Variants in LOXHD1 observed in about 807,000 individuals in gnomAD.
LOXHD1 encodes the protein lipoxygenase homology PLAT domains 1, also known as lipoxygenase homology domain-containing protein 1.
A neutral mutation model predicts 248.2 loss-of-function variants in LOXHD1; 205 were observed. The observed-to-expected ratio is 0.83, with a 90% confidence interval of 0.74 to 0.93. The LOEUF (loss-of-function observed/expected upper bound fraction) is 0.93, where lower values mean the gene tolerates loss of function less well. LOXHD1 is among the 40% of genes least tolerant of loss of function. The pLI is 0.00. For missense variants in LOXHD1, 2,930 were observed against 2,971.6 expected, an observed-to-expected ratio of 0.99 and a Z score of 0.33; for synonymous variants, 1,113 against 1,162.8, an observed-to-expected ratio of 0.96 and a Z score of 0.87.
At chr18:46,521,475 C>A (rs1166400824) in intron 32 of LOXHD1, among the ~76,000 whole-genome samples, 193 bp from the exon 33 acceptor site, 1 of 152,114 alleles carries the variant, frequency 6.6e-6, no homozygotes, top group African/African-American at 2.4e-5. Flanking sequence ...GTAGTTTGGA[C>A]CTAATCAGGC....
intron 37 of LOXHD1, among the ~76,000 whole-genome samples, 175 bp downstream of exon 37, chr18:46,505,663 A>G (rs937462092): frequency 6.6e-6 from 1 of 152,218 alleles, no homozygotes; most frequent in Non-Finnish European, 1.5e-5. Flanking sequence ...ATATTTGCCC[A>G]GAAACACTGG....
chr18:46,540,654 C>CTTTTTTTTTTTT (rs60099172), intron 25 of LOXHD1, among the ~76,000 whole-genome samples: 86 of 91,388 alleles, frequency 9.4e-4, no homozygotes, highest in Admixed American at 1.2e-3. Context: ...AACTCTTTAT[C>CTTTTTTTTTTTT]TTTTTTTTTT....
In LOXHD1 at chr18:46,560,432, C is replaced by T; in HGVS notation, c.2712G>A (p.Arg904=). 6.5e-7 allele frequency: 1 copy of T among 1,546,216 alleles called. No homozygotes were observed. The highest frequency in any genetic ancestry group is 1.2e-5 in the South Asian group (1 of 84,066). The change falls in exon 19 of 41, where the codon CGG becomes CGA. Residue 904 remains arginine, a synonymous_variant. Transcript: ENST00000642948. ...DTVWLRHLVV[R]EVDLTPEEEA... is the part of the protein sequence containing the mutation. ...CCTCCTCCGGCGTGAGGTCCACCTC[C>T]CGCACCACCAGGTGCCGCAGCCACA...
chr18:46,588,318 C>T lies in LOXHD1; in HGVS notation c.1654+3615G>A, dbSNP rs112131001. Among the ~76,000 whole-genome samples, 134 of 152,176 alleles carry T rather than the reference C, an allele frequency of 8.8e-4. 1 individual carries two copies. The highest frequency in any genetic ancestry group is 3.1e-3 in the African/African-American group (130 of 41,520). On this transcript the variant is annotated intron_variant, in intron 12 of 40. Coordinates refer to ENST00000642948, the MANE Select transcript of LOXHD1 (RefSeq NM_001384474.1). ...GGGACCCCCGGAAGACATCAAACTG[C>T]CTTATAGCCACAACAGACAGCCCTT... is the stretch of plus-strand genomic sequence containing the variant.
In LOXHD1 at chr18:46,594,371, C is replaced by A; in HGVS notation, c.1230G>T (p.Gln410His). Residue 410 changes from glutamine to histidine, a missense_variant, in exon 9 of 41, where the codon CAG (glutamine) becomes CAT (histidine). Coordinates refer to ENST00000642948, the MANE Select transcript of LOXHD1 (RefSeq NM_001384474.1). ...TCCTGAGAGACACCATCTCATAGAG[C>A]TGCCTCTCAATCAACCCATCCGCTT... Reference protein sequence around the residue: ...EKKADGLIERQLYEMVSLRKK... With the variant: ...EKKADGLIERHLYEMVSLRKK... 1 of 1,551,688 alleles carries A rather than the reference C, an allele frequency of 6.4e-7. No homozygotes were observed. The highest frequency in any genetic ancestry group is 8.7e-7 in the Non-Finnish European group (1 of 1,146,980).
chr18:46,594,232 G>T, intron 9 of LOXHD1, 99 bp downstream of exon 9: 2 of 1,439,028 alleles, frequency 1.4e-6, no homozygotes, highest in Non-Finnish European at 1.9e-6. Context: ...TGAGAAGCAG[G>T]AGTGGACTGC....
At chr18:46,529,820 C>T (rs369364825) in intron 28 of LOXHD1, among the ~76,000 whole-genome samples, 5 of 152,062 alleles carry the variant, frequency 3.3e-5, no homozygotes, top group South Asian at 2.1e-4. Flanking sequence ...CATTTCCTCA[C>T]GTTCATTTAT....
At chr18:46,584,194 T>A (rs1448610168) in intron 12 of LOXHD1, among the ~76,000 whole-genome samples, 1 of 151,882 alleles carries the variant, frequency 6.6e-6, no homozygotes, top group African/African-American at 2.4e-5. Flanking sequence ...AATTGAATAA[T>A]ATTTTTACAA....
At chr18:46,519,226 G>T in intron 33 of LOXHD1, 1 of 368,392 alleles carries the variant, frequency 2.7e-6, no homozygotes, top group Non-Finnish European at 3.8e-6. Context: ...ACACACGGTT[G>T]GGGAAGGGCC....
intron 26 of LOXHD1, among the ~76,000 whole-genome samples, 186 bp downstream of exon 26, chr18:46,537,970 G>A (rs908540204): frequency 5.3e-5 from 8 of 152,210 alleles, no homozygotes; most frequent in Non-Finnish European, 7.4e-5. Context: ...GGAGCAGGGT[G>A]AGCTTCACCA....
intron 3 of LOXHD1, 83 bp from the exon 4 acceptor site, chr18:46,639,883 T>A: frequency 6.8e-7 from 1 of 1,471,090 alleles, no homozygotes; most frequent in Non-Finnish European, 9.3e-7. Context: ...AGATGTTTAC[T>A]CCAAAGAGAG....
chr18:46,602,694 C>T (rs2144289502), intron 7 of LOXHD1, among the ~76,000 whole-genome samples: 1 of 152,148 alleles, frequency 6.6e-6, no homozygotes, highest in Admixed American at 6.5e-5. Flanking sequence ...CTTAAACTTA[C>T]ATTTTCTTTT....
chr18:46,540,401 C>T (rs910546326), intron 25 of LOXHD1, among the ~76,000 whole-genome samples: 3 of 152,190 alleles, frequency 2.0e-5, no homozygotes, highest in African/African-American at 7.2e-5. Context: ...CTGCTGGGTG[C>T]TCAACCAATA....
At chr18:46,566,221 A>C (rs1485793311) in intron 17 of LOXHD1, 36 bp downstream of exon 17, 1 of 1,520,554 alleles carries the variant, frequency 6.6e-7, no homozygotes, top group Admixed American at 2.0e-5. Context: ...CCCCCATGGG[A>C]AACAATGGGT....
chr18:46,550,579 CAAAAAA>C (rs754046200), intron 21 of LOXHD1, among the ~76,000 whole-genome samples: 13 of 45,468 alleles, frequency 2.9e-4, no homozygotes, highest in African/African-American at 8.2e-4. Flanking sequence ...GACTCCGTCT[CAAAAAA>C]AAAAAAAAAA....
At chr18:46,584,332 A>G (rs1042956585) in intron 12 of LOXHD1, among the ~76,000 whole-genome samples, 4 of 152,096 alleles carry the variant, frequency 2.6e-5, no homozygotes, top group Non-Finnish European at 4.4e-5. Flanking sequence ...TATAATGACT[A>G]TAGTTAACAA....
At chr18:46,622,922 TG>T (rs1260766711) in intron 4 of LOXHD1, among the ~76,000 whole-genome samples, 1 of 152,040 alleles carries the variant, frequency 6.6e-6, no homozygotes, top group Non-Finnish European at 1.5e-5. Context: ...TGGAAACAGG[TG>T]AAAGTCAAGT....
At chr18:46,611,563 A>G (rs1023560872) in intron 5 of LOXHD1, among the ~76,000 whole-genome samples, 5 of 152,180 alleles carry the variant, frequency 3.3e-5, no homozygotes, top group African/African-American at 1.2e-4. Flanking sequence ...ATTTTCCATT[A>G]TTGTGTATCT....
intron 16 of LOXHD1, among the ~76,000 whole-genome samples, chr18:46,567,220 A>G (rs2037660842): frequency 6.6e-6 from 1 of 152,216 alleles, no homozygotes; most frequent in Non-Finnish European, 1.5e-5. Context: ...GAATTATCAG[A>G]TGGCCTTTGA....
Sources: allele counts gnomAD v4.1 joint callset (sites outside exome capture counted in the v4.1 genomes callset), GRCh38; gene constraint gnomAD v4.1.1; transcripts MANE v1.5; gene names NCBI Gene and HGNC (gene_info 2026-07-23, HGNC 2026-07-21).